The following BLM variants were observed in gnomAD, a reference collection of about 807,000 sequenced individuals.
BLM encodes recQ-like DNA helicase BLM.
BLM carries 95 observed loss-of-function variants against 135.3 expected under a neutral mutation model. That is an observed-to-expected ratio of 0.70 (90% confidence interval 0.59 to 0.83). The LOEUF (loss-of-function observed/expected upper bound fraction) is 0.83. Among genes scored for constraint, BLM ranks in the 40% least tolerant of loss-of-function variants. The pLI is 0.00. For missense variants in BLM, 1,518 were observed against 1,663.9 expected (o/e 0.91, Z 1.53); for synonymous variants, 520 against 589.2 (o/e 0.88, Z 1.70).
intron 1 of BLM, among the ~76,000 whole-genome samples, chr15:90,747,064 T>A (rs1895519839): frequency 6.6e-6 from 1 of 152,026 alleles, no homozygotes. Context: ...GTCCCATTTT[T>A]CTAAAAGCCC....
chr15:90,812,035 T>A (rs907503499), intron 21 of BLM, among the ~76,000 whole-genome samples: 1 of 152,184 alleles, frequency 6.6e-6, no homozygotes, highest in Non-Finnish European at 1.5e-5. Flanking sequence ...TTTGGGATGA[T>A]TGTTCTTCTT....
intron 14 of BLM, among the ~76,000 whole-genome samples, chr15:90,786,766 C>T (rs1206215121): frequency 6.6e-6 from 1 of 152,006 alleles, no homozygotes; most frequent in Non-Finnish European, 1.5e-5. Flanking sequence ...AGGCACATGC[C>T]ACCACACCCA....
intron 17 of BLM, 35 bp from the exon 18 acceptor site, chr15:90,803,486 A>G (rs1045884324): frequency 1.3e-6 from 2 of 1,582,888 alleles, no homozygotes; most frequent in Non-Finnish European, 1.7e-6. Context: ...ATATACGTAC[A>G]TTTACTCATC....
intron 8 of BLM, among the ~76,000 whole-genome samples, chr15:90,764,459 C>T (rs1464091063): frequency 6.6e-6 from 1 of 151,802 alleles, no homozygotes; most frequent in Non-Finnish European, 1.5e-5. Flanking sequence ...ACAATCCCCC[C>T]CACCTTAGCC....
intron 7 of BLM, among the ~76,000 whole-genome samples, 177 bp from the exon 8 acceptor site, chr15:90,762,789 A>C (rs1339992619): frequency 1.3e-5 from 2 of 152,094 alleles, no homozygotes; most frequent in African/African-American, 4.8e-5. Context: ...TTGATTTGGG[A>C]CTTTGGCAAG....
At chr15:90,744,081 TATC>T (rs1283817198) in intron 1 of BLM, among the ~76,000 whole-genome samples, 1 of 152,202 alleles carries the variant, frequency 6.6e-6, no homozygotes, top group Non-Finnish European at 1.5e-5. Flanking sequence ...CTTATTAAAA[TATC>T]ATGGCTAGTT....
chr15:90,743,361 C>T (rs1377820817), intron 1 of BLM, among the ~76,000 whole-genome samples: 1 of 152,154 alleles, frequency 6.6e-6, no homozygotes, highest in Non-Finnish European at 1.5e-5. Flanking sequence ...CCAGATTGAA[C>T]TTGTGATTCT....
At chr15:90,776,837 A>G (rs1266171675) in intron 12 of BLM, among the ~76,000 whole-genome samples, 2 of 151,036 alleles carry the variant, frequency 1.3e-5, no homozygotes, top group Non-Finnish European at 3.0e-5. Context: ...ACCATTCCCA[A>G]CCATATTGTG....
intron 5 of BLM, among the ~76,000 whole-genome samples, chr15:90,757,751 T>C (rs1265091637): frequency 6.6e-6 from 1 of 152,104 alleles, no homozygotes; most frequent in East Asian, 1.9e-4. Flanking sequence ...TCCCCTTCTT[T>C]CTCTAATTGT....
At chr15:90,781,889 T>C (rs1458361482) in intron 12 of BLM, among the ~76,000 whole-genome samples, 1 of 152,204 alleles carries the variant, frequency 6.6e-6, no homozygotes, top group Admixed American at 6.5e-5. Flanking sequence ...CATCTCTGCT[T>C]TTAGTCAGCC....
intron 1 of BLM, among the ~76,000 whole-genome samples, chr15:90,738,985 C>T (rs1356838920): frequency 6.6e-6 from 1 of 152,194 alleles, no homozygotes; most frequent in South Asian, 2.1e-4. Context: ...GATATTTGTA[C>T]ACCCATGTTC....
Position 90,803,522 on chromosome 15 carries a change from G to T in BLM, c.3360G>T (p.Gly1120=), listed in dbSNP as rs1567062602. Residue 1120 remains glycine, a splice_region_variant and synonymous_variant, in exon 18 of 22, where the codon GGG becomes GGT. Transcript: ENST00000355112. ...TMNMLVDIFL[G]SKSAKIQSGI... is the part of the protein sequence containing the mutation. ...TTACTTCCTGTATCTTCTTATCAGG[G>T]AGTAAGAGTGCAAAAATCCAGTCAG... The T allele has an allele frequency of 3.7e-6, 6 of 1,610,782 alleles. No individual in the cohort carries two copies. Among genetic ancestry groups the T allele is most frequent in the Non-Finnish European group, 5.1e-6 (6 of 1,177,082 alleles).
intron 12 of BLM, among the ~76,000 whole-genome samples, chr15:90,782,407 C>G (rs1434724490): frequency 2.0e-5 from 3 of 151,852 alleles, no homozygotes; most frequent in Non-Finnish European, 4.4e-5. Context: ...CAAAACAAAA[C>G]AAAACAAAAA....
chr15:90,736,912 A>G (rs1858877), intron 1 of BLM, among the ~76,000 whole-genome samples: 10,312 of 152,266 alleles, frequency 0.068, 1,148 homozygotes, highest in African/African-American at 0.23. Flanking sequence ...ATGGCAAAGG[A>G]TGGAGAGGGA....
intron 3 of BLM, among the ~76,000 whole-genome samples, chr15:90,750,553 G>C (rs917953263): frequency 1.3e-5 from 2 of 152,156 alleles, no homozygotes; most frequent in Non-Finnish European, 2.9e-5. Flanking sequence ...AAAACAGCTT[G>C]AAACTGAACA....
chr15:90,788,191 G>A (rs914687355), intron 14 of BLM, among the ~76,000 whole-genome samples: 4 of 152,032 alleles, frequency 2.6e-5, no homozygotes, highest in African/African-American at 9.7e-5. Flanking sequence ...GTGTACCCAA[G>A]CAAGAAAGCA....
chr15:90,809,379 A>T, intron 20 of BLM, 120 bp downstream of exon 20: 1 of 1,521,514 alleles, frequency 6.6e-7, no homozygotes, highest in Non-Finnish European at 9.0e-7. Context: ...CTGACATCCA[A>T]GTCAGCCCCC....
chr15:90,779,711 A>G (rs1284382258), intron 12 of BLM, among the ~76,000 whole-genome samples: 2 of 152,230 alleles, frequency 1.3e-5, no homozygotes, highest in Non-Finnish European at 2.9e-5. Context: ...GAAAGAAACA[A>G]CATCATAAAG....
chr15:90,754,807 G>A lies in BLM; in HGVS notation c.960-4G>A, dbSNP rs1555418976. The A allele has an allele frequency of 1.2e-6, 2 of 1,612,376 alleles. No individual in the cohort carries two copies. ...GATTGGCTTAACATTTTTTTTATTTGCAGTACGTTAAAGGACCTTGACACC... is the reference window on the plus strand; with the variant it reads ...GATTGGCTTAACATTTTTTTTATTTACAGTACGTTAAAGGACCTTGACACC... On this transcript the variant is annotated splice_region_variant and splice_polypyrimidine_tract_variant and intron_variant, in intron 4 of 21. Transcript: ENST00000355112.
Sources: gnomAD v4.1 joint callset for allele counts (sites outside exome capture counted in the v4.1 genomes callset) on GRCh38, gnomAD v4.1.1 for gene constraint, MANE v1.5 for transcripts, NCBI Gene and HGNC (gene_info 2026-07-23, HGNC 2026-07-21) for gene names.